Variants in OPHN1 observed in about 807,000 individuals in gnomAD.
OPHN1 encodes the protein oligophrenin-1.
In OPHN1, 11 loss-of-function variants were observed where a neutral mutation model predicts 60.7. That is an observed-to-expected ratio of 0.18 (90% CI 0.11 to 0.30). The LOEUF is 0.30. Ranked by LOEUF, OPHN1 falls within the 10% of genes least tolerant of loss-of-function variation. The pLI, the probability that OPHN1 is intolerant of heterozygous loss-of-function variation, is 1.00. For synonymous variants in OPHN1, 226 were observed against 222.6 expected (o/e 1.02, Z -0.14); for missense variants, 449 against 611.0 (o/e 0.73, Z 2.80).
At chrX:68,263,555 T>C (rs1202199840) in intron 5 of OPHN1, among the ~76,000 whole-genome samples, 1 of 112,049 alleles carries the variant, frequency 8.9e-6, no homozygotes, top group Non-Finnish European at 1.9e-5. Context: ...AGAAACTTAT[T>C]TAGTGCATAT....
intron 15 of OPHN1, among the ~76,000 whole-genome samples, chrX:68,192,212 G>T (rs968749267): frequency 8.9e-6 from 1 of 111,830 alleles, no homozygotes; most frequent in Non-Finnish European, 1.9e-5. Flanking sequence ...TAAGATGTTA[G>T]AAGAGGTCAG....
intron 5 of OPHN1, among the ~76,000 whole-genome samples, chrX:68,236,350 T>C (rs28460181): frequency 0.056 from 6,304 of 111,882 alleles, 435 homozygotes; most frequent in African/African-American, 0.19. Context: ...GATAAGATTC[T>C]GTGGAATACT....
intron 2 of OPHN1, among the ~76,000 whole-genome samples, chrX:68,379,402 C>T (rs1308658342): frequency 9.1e-6 from 1 of 109,404 alleles, no homozygotes; most frequent in Non-Finnish European, 1.9e-5. Flanking sequence ...TCCTCTTTTC[C>T]TAATTGAATA....
intron 15 of OPHN1, among the ~76,000 whole-genome samples, chrX:68,168,167 C>T (rs1414694898): frequency 9.0e-6 from 1 of 110,926 alleles, no homozygotes; most frequent in African/African-American, 3.3e-5. Context: ...TAGACATCTA[C>T]AGAACTCTCC....
In OPHN1 at chrX:68,433,460, A is replaced by T; in HGVS notation, c.-297T>A. The stretch of plus-strand genomic sequence containing the variant: ...CTGGAGCTGGGAACAGCCTCTCTAC[A>T]GGCTCCTCGCTCCGGAGCGAGCGGA... On this transcript the variant is annotated 5_prime_UTR_variant, in exon 1 of 25. Coordinates refer to ENST00000355520, the MANE Select transcript of OPHN1 (RefSeq NM_002547.3). The T allele has an allele frequency of 3.7e-6, 1 of 268,653 alleles. No individual in the cohort carries two copies. The highest frequency in any genetic ancestry group is 6.6e-6 in the Non-Finnish European group (1 of 152,230). 22.1% of individuals were successfully genotyped at this position (268,653 alleles called of 1,213,427 possible).
At chrX:68,197,067 C>G (rs1415587717) in intron 12 of OPHN1, 119 bp downstream of exon 12, 19 of 564,466 alleles carry the variant, frequency 3.4e-5, no homozygotes, top group Non-Finnish European at 6.1e-6. Flanking sequence ...CCTTACAGCT[C>G]TAAAACTGAG....
Position 68,299,017 on chromosome X carries a change from A to G in OPHN1, c.234T>C (p.Asp78=), listed in dbSNP as rs1230010238. The stretch of plus-strand genomic sequence containing the variant: ...AAGACTTACCGATGTTAATTTCATC[A>G]TCAGTCAGAGTGTCTCCAATGAAAT... The part of the protein sequence containing the change: ...QFDFIGDTLT[D]DEINIAESFK... Residue 78 remains aspartate, a synonymous_variant, in exon 3 of 25, where the codon GAT becomes GAC. Coordinates refer to ENST00000355520, the MANE Select transcript of OPHN1 (RefSeq NM_002547.3). The G allele has an allele frequency of 5.9e-6, 7 of 1,182,602 alleles. No homozygotes were observed. The highest frequency in any genetic ancestry group is 3.0e-5 in the East Asian group (1 of 32,899).
intron 2 of OPHN1, among the ~76,000 whole-genome samples, chrX:68,417,219 A>G (rs1334707781): frequency 9.0e-6 from 1 of 111,073 alleles, no homozygotes; most frequent in Non-Finnish European, 1.9e-5. Context: ...CAGCCTCCCA[A>G]ATAGCTGGGA....
chrX:68,217,261 C>G (rs1013287542), intron 6 of OPHN1, among the ~76,000 whole-genome samples: 2 of 112,374 alleles, frequency 1.8e-5, no homozygotes, highest in African/African-American at 6.5e-5. Flanking sequence ...TATCCCGCAC[C>G]TGGCTCGGAG....
intron 15 of OPHN1, among the ~76,000 whole-genome samples, chrX:68,149,198 A>G (rs1343465844): frequency 1.8e-5 from 2 of 111,530 alleles, no homozygotes; most frequent in African/African-American, 6.5e-5. Context: ...AGCTTTCATA[A>G]TTCAACCAAC....
At chrX:68,339,614 TC>T (rs1215250524) in intron 2 of OPHN1, among the ~76,000 whole-genome samples, 1 of 112,104 alleles carries the variant, frequency 8.9e-6, no homozygotes, top group African/African-American at 3.2e-5. Context: ...TATTTCTTTT[TC>T]TTTTTTTGAG....
At chrX:68,356,061 A>C (rs1342068153) in intron 2 of OPHN1, among the ~76,000 whole-genome samples, 1 of 110,608 alleles carries the variant, frequency 9.0e-6, no homozygotes, top group Non-Finnish European at 1.9e-5. Flanking sequence ...AAAAAAAAAA[A>C]ATCGCCAAAT....
intron 5 of OPHN1, among the ~76,000 whole-genome samples, chrX:68,253,176 G>A (rs1043196826): frequency 2.7e-5 from 3 of 111,529 alleles, no homozygotes; most frequent in Non-Finnish European, 5.6e-5. Flanking sequence ...CTCTAGTCTT[G>A]GCTTGTATTA....
chrX:68,390,723 G>A (rs1194193553), intron 2 of OPHN1, among the ~76,000 whole-genome samples: 1 of 112,022 alleles, frequency 8.9e-6, no homozygotes, highest in Non-Finnish European at 1.9e-5. Context: ...CCCTGCCCTT[G>A]TACAACTTGC....
At chrX:68,294,985 G>C (rs1203829174) in intron 3 of OPHN1, among the ~76,000 whole-genome samples, 1 of 111,827 alleles carries the variant, frequency 8.9e-6, no homozygotes, top group Non-Finnish European at 1.9e-5. Context: ...GGGAGACACT[G>C]AGGATCCAAG....
intron 2 of OPHN1, among the ~76,000 whole-genome samples, chrX:68,347,911 C>G (rs777554131): frequency 8.9e-6 from 1 of 111,878 alleles, no homozygotes; most frequent in African/African-American, 3.2e-5. Context: ...CAAAAGTTAT[C>G]TTCAACAACC....
At chrX:68,325,134 A>G (rs187054902) in intron 2 of OPHN1, among the ~76,000 whole-genome samples, 30 of 111,360 alleles carry the variant, frequency 2.7e-4, no homozygotes, top group African/African-American at 9.8e-4. Context: ...GAGAAAACTC[A>G]TGGGGTCTGT....
At chrX:68,344,603 C>T (rs1003030411) in intron 2 of OPHN1, among the ~76,000 whole-genome samples, 2 of 103,673 alleles carry the variant, frequency 1.9e-5, no homozygotes, top group South Asian at 4.4e-4. Flanking sequence ...CACTGGGCAA[C>T]GTGGCTCACA....
At chrX:68,130,075 T>C (rs2077187605) in intron 15 of OPHN1, among the ~76,000 whole-genome samples, 1 of 111,628 alleles carries the variant, frequency 9.0e-6, no homozygotes, top group Non-Finnish European at 1.9e-5. Context: ...CACAAGTGTG[T>C]GTCCTAAGTA....
Sources: allele counts gnomAD v4.1 joint callset (sites outside exome capture counted in the v4.1 genomes callset), GRCh38; gene constraint gnomAD v4.1.1; transcripts MANE v1.5; gene names NCBI Gene and HGNC (gene_info 2026-07-23, HGNC 2026-07-21).